TNFAIP8L2: variants seen among roughly 807,000 people sequenced by gnomAD.
TNFAIP8L2 encodes the protein tumor necrosis factor alpha-induced protein 8-like protein 2.
A neutral mutation model predicts 5.6 loss-of-function variants in TNFAIP8L2; 2 were observed. That is an observed-to-expected ratio of 0.36 (90% CI 0.15 to 1.13). The LOEUF (loss-of-function observed/expected upper bound fraction) is 1.13, where lower values mean the gene tolerates loss of function less well. TNFAIP8L2 is among the 50% of genes most tolerant of loss of function. The pLI is 0.40. For synonymous variants in TNFAIP8L2, 91 were observed against 101.1 expected (o/e 0.90, Z 0.60); for missense variants, 216 against 241.8 (o/e 0.89, Z 0.71).
intron 1 of TNFAIP8L2, among the ~76,000 whole-genome samples, chr1:151,158,076 G>A (rs1683287584): frequency 6.6e-6 from 1 of 151,990 alleles, no homozygotes; most frequent in East Asian, 1.9e-4. Context: ...TGTATTCCCG[G>A]CACTTTGGGA....
intron 1 of TNFAIP8L2, among the ~76,000 whole-genome samples, chr1:151,157,529 A>G (rs1048147366): frequency 2.0e-5 from 3 of 152,196 alleles, no homozygotes; most frequent in Non-Finnish European, 4.4e-5. Flanking sequence ...TCAGACCTTC[A>G]GGACTGCCTG....
At chr1:151,158,514 A>G (rs1683307923) in intron 1 of TNFAIP8L2, among the ~76,000 whole-genome samples, 152 bp from the exon 2 acceptor site, 1 of 151,966 alleles carries the variant, frequency 6.6e-6, no homozygotes, top group African/African-American at 2.4e-5. Flanking sequence ...AAGGGGAAAA[A>G]GCAGGCAGGA....
At chr1:151,157,559 T>C (rs1052437101) in intron 1 of TNFAIP8L2, among the ~76,000 whole-genome samples, 1 of 152,184 alleles carries the variant, frequency 6.6e-6, no homozygotes. Flanking sequence ...AGGTGTTGGC[T>C]TCTCGTGCTT....
chr1:151,158,497 C>T (rs945788513), intron 1 of TNFAIP8L2, among the ~76,000 whole-genome samples, 169 bp from the exon 2 acceptor site: 2 of 151,828 alleles, frequency 1.3e-5, no homozygotes, highest in Admixed American at 1.3e-4. Flanking sequence ...AGATTTGCTA[C>T]AGCACTAAGG....
intron 1 of TNFAIP8L2, among the ~76,000 whole-genome samples, chr1:151,158,295 C>G (rs1218432114): frequency 6.6e-6 from 1 of 151,062 alleles, no homozygotes; most frequent in African/African-American, 2.4e-5. Context: ...TGCACTCCAG[C>G]CTGGGTGACA....
At chr1:151,158,609 C>T in intron 1 of TNFAIP8L2, 57 bp from the exon 2 acceptor site, 2 of 1,252,944 alleles carry the variant, frequency 1.6e-6, no homozygotes, top group Non-Finnish European at 1.1e-6. Context: ...AAAGAAGCAA[C>T]AGAAAAGGGA....
In TNFAIP8L2 at chr1:151,156,652, C is replaced by T. The variant is rs992832703; in HGVS notation, c.-103C>T. The T allele has an allele frequency of 1.3e-5, 2 of 152,190 alleles. No homozygotes were observed. The highest frequency in any genetic ancestry group is 4.8e-5 in the African/African-American group (2 of 41,432). 9.4% of individuals were successfully genotyped at this position (152,190 alleles called of 1,614,324 possible). A position where few individuals can be genotyped will look rare whatever the true frequency, so the allele number is the denominator to read the frequency against. On this transcript the variant is annotated 5_prime_UTR_variant, in exon 1 of 2. Transcript: ENST00000368910. ...GGGGCCAAGCCAAAGGGCTCTCACA[C>T]TAAGTGAAGCTTCTCCATTCTGTAA...
Position 151,159,326 on chromosome 1 carries a change from C to A in TNFAIP8L2, c.*74C>A. 7.1e-7 allele frequency: 1 copy of A among 1,406,354 alleles called. No individual in the cohort carries two copies. The highest frequency in any genetic ancestry group is 9.7e-7 in the Non-Finnish European group (1 of 1,033,544). The allele number at this position is 1,406,354 out of a possible 1,614,324, so 87.1% of individuals were successfully genotyped here. ...AAACACAGATAATGGGCTTCCTAAC[C>A]CTGCTCACCTGGCACTAACACTTTT... On this transcript the variant is annotated 3_prime_UTR_variant, in exon 2 of 2. Coordinates refer to ENST00000368910, the MANE Select transcript of TNFAIP8L2 (RefSeq NM_024575.5).
chr1:151,159,523 A>C lies in TNFAIP8L2; in HGVS notation c.*271A>C. ...AAGGTGAAGTGAAACTTGGATCTCT[A>C]TTTCTCCCATAAGGGACTTCTGAAA... On this transcript the variant is annotated 3_prime_UTR_variant, in exon 2 of 2. Coordinates refer to ENST00000368910, the MANE Select transcript of TNFAIP8L2 (RefSeq NM_024575.5). 2.5e-6 allele frequency: 1 copy of C among 392,208 alleles called. No homozygotes were observed. The highest frequency in any genetic ancestry group is 2.9e-5 in the South Asian group (1 of 33,922). 24.3% of individuals were successfully genotyped at this position (392,208 alleles called of 1,614,324 possible).
intron 1 of TNFAIP8L2, 134 bp from the exon 2 acceptor site, chr1:151,158,532 A>G (rs892316166): frequency 1.0e-4 from 64 of 639,260 alleles, no homozygotes; most frequent in Non-Finnish European, 1.6e-4. Flanking sequence ...GGAGCAAGGC[A>G]TAGAGGACTG....
chr1:151,159,098 A>G lies in TNFAIP8L2; in HGVS notation c.401A>G (p.His134Arg). ...GTGCTGCTAGAGTTGGTGGAACACC[A>G]CCTCACGCCCAAGTCACATGGCCGC... ...RDVLLELVEH[H>R]LTPKSHGRIR... is the part of the protein sequence containing the mutation. The change falls in exon 2 of 2, where the codon CAC becomes CGC. Residue 134 changes from histidine to arginine, a missense_variant. Transcript: ENST00000368910. 6.2e-7 allele frequency: 1 copy of G among 1,614,064 alleles called. No individual in the cohort carries two copies. Among genetic ancestry groups the G allele is most frequent in the East Asian group, 2.2e-5 (1 of 44,884 alleles).
chr1:151,158,640 A>G (rs2101682243), intron 1 of TNFAIP8L2, 26 bp from the exon 2 acceptor site: 1 of 1,413,846 alleles, frequency 7.1e-7, no homozygotes, highest in Non-Finnish European at 9.6e-7. Context: ...CTCTCTTTCT[A>G]AGGAAGCCTG....
intron 1 of TNFAIP8L2, among the ~76,000 whole-genome samples, chr1:151,158,274 G>A (rs2101681451): frequency 6.8e-6 from 1 of 147,416 alleles, no homozygotes; most frequent in Admixed American, 6.9e-5. Context: ...AGTGAACAGA[G>A]ATCACACCAC....
chr1:151,159,051 C>T lies in TNFAIP8L2; in HGVS notation c.354C>T (p.Gly118=). ...DFTFEAAVLA[G]LLTECRDVLL... is the part of the protein sequence containing the mutation. Reference sequence around the variant, plus strand: ...CCTTCGAGGCTGCTGTTCTGGCTGGCCTGCTGACCGAGTGCCGGGATGTGC... The same window carrying T: ...CCTTCGAGGCTGCTGTTCTGGCTGGTCTGCTGACCGAGTGCCGGGATGTGC... Residue 118 remains glycine (G), a synonymous_variant, in exon 2 of 2, where the codon GGC becomes GGT. Transcript: ENST00000368910. 1 of 1,614,178 alleles carries T rather than the reference C, an allele frequency of 6.2e-7. No homozygotes were observed.
At chr1:151,158,339 AG>A (rs1282246878) in intron 1 of TNFAIP8L2, among the ~76,000 whole-genome samples, 2 of 149,880 alleles carry the variant, frequency 1.3e-5, no homozygotes, top group African/African-American at 2.5e-5. Context: ...AAAAAAAAAA[AG>A]AATTATCTGT....
In TNFAIP8L2 at chr1:151,159,411, CA is replaced by C; in HGVS notation, c.*162del. 1.3e-6 allele frequency: 1 copy of C among 743,690 alleles called. No individual in the cohort carries two copies. The highest frequency in any genetic ancestry group is 2.2e-6 in the Non-Finnish European group (1 of 456,810). The allele number at this position is 743,690 out of a possible 1,614,324, so 46.1% of individuals were successfully genotyped here. On this transcript the variant is annotated 3_prime_UTR_variant, in exon 2 of 2. Transcript: ENST00000368910. ...TTTGACTCTGAGACCAGCCCACCCC[CA>C]AACAGCTAGTGGAGAAGGAGCAATG...
At chr1:151,158,108 A>C (rs890812998) in intron 1 of TNFAIP8L2, among the ~76,000 whole-genome samples, 9 of 151,940 alleles carry the variant, frequency 5.9e-5, no homozygotes, top group Admixed American at 1.3e-4. Context: ...GCAGATCATG[A>C]GGTCAGGAGT....
Position 151,159,683 on chromosome 1 carries a change from A to G in TNFAIP8L2, c.*431A>G, listed in dbSNP as rs899105524. On this transcript the variant is annotated 3_prime_UTR_variant, in exon 2 of 2. Transcript: ENST00000368910. The stretch of plus-strand genomic sequence containing the variant: ...GGACAGATGCCAGAGGCTCTGTTCC[A>G]GAGTGCAGGAAGAAGGGGCTAGGGC... The G allele has an allele frequency of 1.5e-5, 3 of 199,112 alleles. No individual in the cohort carries two copies. The highest frequency in any genetic ancestry group is 2.1e-4 in the South Asian group (2 of 9,358). The allele number at this position is 199,112 out of a possible 1,614,324, so 12.3% of individuals were successfully genotyped here.
chr1:151,159,118 G>A lies in TNFAIP8L2; in HGVS notation c.421G>A (p.Gly141Ser), dbSNP rs1683341672. Reference sequence around the variant, plus strand: ...ACACCACCTCACGCCCAAGTCACATGGCCGCATCCGCCACGTGTTTGATCA... The same window carrying A: ...ACACCACCTCACGCCCAAGTCACATAGCCGCATCCGCCACGTGTTTGATCA... ...VEHHLTPKSH[G>S]RIRHVFDHFS... Residue 141 changes from glycine to serine, a missense_variant, in exon 2 of 2, where the codon GGC (glycine) becomes AGC (serine). Physicochemically the swap from Gly to Ser is moderately conservative, Grantham distance 56. Transcript: ENST00000368910. 3.1e-6 allele frequency: 5 copies of A among 1,614,132 alleles called. No individual in the cohort carries two copies. The highest frequency in any genetic ancestry group is 4.2e-6 in the Non-Finnish European group (5 of 1,180,046).
Sources: gnomAD v4.1 joint callset for allele counts (sites outside exome capture counted in the v4.1 genomes callset) on GRCh38, gnomAD v4.1.1 for gene constraint, MANE v1.5 for transcripts, NCBI Gene and HGNC (gene_info 2026-07-23, HGNC 2026-07-21) for gene names.